The following CEP128 variants were observed in gnomAD, a reference collection of about 807,000 sequenced individuals.
The protein encoded by CEP128 is centrosomal protein 128kDa.
A neutral mutation model predicts 156.7 loss-of-function variants in CEP128; 132 were observed. The observed-to-expected ratio is 0.84, with a 90% CI of 0.73 to 0.97. CEP128 has a LOEUF of 0.97. Ranked by LOEUF, CEP128 falls within the 50% of genes least tolerant of loss-of-function variation. The pLI, the probability that CEP128 is intolerant of heterozygous loss-of-function variation, is 0.00. For synonymous variants in CEP128, 469 were observed against 448.9 expected, an observed-to-expected ratio of 1.04 and a Z score of -0.57; for missense variants, 1,252 against 1,281.9, an observed-to-expected ratio of 0.98 and a Z score of 0.36.
At chr14:80,630,900 A>G (rs886530472) in intron 19 of CEP128, among the ~76,000 whole-genome samples, 1 of 152,024 alleles carries the variant, frequency 6.6e-6, no homozygotes, top group Non-Finnish European at 1.5e-5. Context: ...CGCTGTCAAA[A>G]TAATTGTCCA....
rs568457493 is a variant in CEP128 at position 80,546,721 on chromosome 14, T to TG, written c.2880+12557dup. 3.1e-3 allele frequency among the ~76,000 whole-genome samples: 466 copies of TG among 152,236 alleles called. 1 individual carries two copies. Among genetic ancestry groups the TG allele is most frequent in the Non-Finnish European group, 4.1e-3 (282 of 68,012 alleles). ...CTGTGATAGAAAGCATAGGTAGCAG[T>TG]GAGATGCTAGGAGAGAAAAACATCA... is the stretch of plus-strand genomic sequence containing the variant. On this transcript the variant is annotated intron_variant, in intron 21 of 24. Coordinates refer to ENST00000555265, the MANE Select transcript of CEP128 (RefSeq NM_152446.5).
chr14:80,535,327 G>A (rs1889434501), intron 21 of CEP128, among the ~76,000 whole-genome samples: 1 of 152,188 alleles, frequency 6.6e-6, no homozygotes, highest in South Asian at 2.1e-4. Flanking sequence ...AAATGGCAAG[G>A]TTCTTATTAG....
At chr14:80,888,534 T>C (rs1007269386) in intron 8 of CEP128, among the ~76,000 whole-genome samples, 4 of 152,110 alleles carry the variant, frequency 2.6e-5, no homozygotes, top group African/African-American at 4.8e-5. Context: ...AAAAACCACA[T>C]GATTATCTCA....
At chr14:80,515,535 G>A (rs1243434778) in intron 23 of CEP128, among the ~76,000 whole-genome samples, 1 of 152,126 alleles carries the variant, frequency 6.6e-6, no homozygotes, top group Non-Finnish European at 1.5e-5. Flanking sequence ...TCAAACAACT[G>A]TCAACCAGAT....
intron 19 of CEP128, among the ~76,000 whole-genome samples, chr14:80,643,873 CA>C (rs1340281616): frequency 6.6e-6 from 1 of 152,120 alleles, no homozygotes; most frequent in Non-Finnish European, 1.5e-5. Context: ...AGTGAACTCC[CA>C]AATTTCATGT....
intron 19 of CEP128, among the ~76,000 whole-genome samples, chr14:80,647,059 A>ATGTGTGCATG (rs1566831586): frequency 1.3e-3 from 22 of 17,312 alleles, no homozygotes; most frequent in East Asian, 2.7e-3. Flanking sequence ...ATATATATAT[A>ATGTGTGCATG]TATATATATA....
chr14:80,527,012 ACTGGTAGATGAAAG>A, intron 22 of CEP128, 30 bp from the exon 23 acceptor site: 2 of 1,047,422 alleles, frequency 1.9e-6, no homozygotes, highest in Non-Finnish European at 2.9e-6. Context: ...AAGGGTCTGA[ACTGGTAGATGAAAG>A]AAAATCAGTG....
intron 20 of CEP128, among the ~76,000 whole-genome samples, chr14:80,573,079 C>T (rs985184915): frequency 2.7e-5 from 4 of 145,768 alleles, no homozygotes; most frequent in African/African-American, 7.8e-5. Context: ...TGGGCTACCA[C>T]GCCTGACTAA....
At chr14:80,844,876 A>C (rs996585626) in intron 9 of CEP128, among the ~76,000 whole-genome samples, 1 of 96,570 alleles carries the variant, frequency 1.0e-5, no homozygotes, top group Non-Finnish European at 2.3e-5. Context: ...ATTTTCTCCA[A>C]TGAACAAACT....
At chr14:80,895,871 TTA>T in intron 7 of CEP128, 81 bp from the exon 8 acceptor site, 1 of 961,896 alleles carries the variant, frequency 1.0e-6, no homozygotes, top group Non-Finnish European at 1.5e-6. Flanking sequence ...AACATGATAA[TTA>T]TGTTATTACA....
chr14:80,526,918 G>A lies in CEP128; in HGVS notation c.3023C>T (p.Ser1008Phe), dbSNP rs1888996564. Reference sequence around the variant, plus strand: ...GGTGTCATCTTGGTGATGCTGAAGAGAATTTCTGCGAACCCTGTATTTGGA... The same window carrying A: ...GGTGTCATCTTGGTGATGCTGAAGAAAATTTCTGCGAACCCTGTATTTGGA... ...RYSKYRVRRN[S>F]LQHHQDDTKY... Residue 1008 changes from serine (S) to phenylalanine (F), a missense_variant, in exon 23 of 25, where the codon TCT becomes TTT. Ser to Phe is a radical substitution (Grantham distance 155). Transcript: ENST00000555265. 6.2e-7 allele frequency: 1 copy of A among 1,610,158 alleles called. No individual in the cohort carries two copies. Among genetic ancestry groups the A allele is most frequent in the Non-Finnish European group, 8.5e-7 (1 of 1,178,318 alleles).
intron 8 of CEP128, among the ~76,000 whole-genome samples, chr14:80,891,745 C>T (rs1889111992): frequency 6.6e-6 from 1 of 151,712 alleles, no homozygotes; most frequent in Non-Finnish European, 1.5e-5. Flanking sequence ...ATAGATACTC[C>T]CATTTACCCT....
Position 80,559,298 on chromosome 14 carries a change from C to A in CEP128, c.2861G>T (p.Arg954Leu), listed in dbSNP as rs780246010. 4 of 1,601,096 alleles carry A rather than the reference C, an allele frequency of 2.5e-6. No individual in the cohort carries two copies. The highest frequency in any genetic ancestry group is 8.5e-7 in the Non-Finnish European group (1 of 1,174,716). Residue 954 changes from arginine (R) to leucine (L), a missense_variant, in exon 21 of 25, where the codon CGT (arginine) becomes CTT (leucine). Arg to Leu is a moderately radical substitution (Grantham distance 102). Coordinates refer to ENST00000555265, the MANE Select transcript of CEP128 (RefSeq NM_152446.5). ...ACTTACCGTTTCTAATGCAATTACA[C>A]GGTCCTGCAAAGAAAGCATAATATA... is the stretch of plus-strand genomic sequence containing the variant. ...KDEEMGSLQD[R>L]VIALETSTQV...
intron 21 of CEP128, among the ~76,000 whole-genome samples, chr14:80,555,548 T>A (rs941381655): frequency 6.6e-6 from 1 of 152,150 alleles, no homozygotes; most frequent in African/African-American, 2.4e-5. Context: ...CCCTCATTAA[T>A]TAATGAGTTA....
intron 19 of CEP128, among the ~76,000 whole-genome samples, chr14:80,639,998 T>G (rs1046058337): frequency 6.6e-6 from 1 of 152,180 alleles, no homozygotes; most frequent in Non-Finnish European, 1.5e-5. Flanking sequence ...ATGAAATTTA[T>G]AGTAACCAGA....
chr14:80,840,996 A>T (rs1886325629), intron 9 of CEP128, among the ~76,000 whole-genome samples: 1 of 152,110 alleles, frequency 6.6e-6, no homozygotes, highest in Non-Finnish European at 1.5e-5. Flanking sequence ...CATCTTTGGG[A>T]ATTTTACTAC....
rs1887503344 is a variant in CEP128 at position 80,496,552 on chromosome 14, A to G, written c.*927T>C. 2 of 152,672 alleles carry G rather than the reference A, an allele frequency of 1.3e-5. No individual in the cohort carries two copies. 9.5% of individuals were successfully genotyped at this position (152,672 alleles called of 1,614,324 possible). A position where few individuals can be genotyped will look rare whatever the true frequency, so the allele number is the denominator to read the frequency against. ...ATGACCCAATAGGATTCAGTTCCTG[A>G]AAGTTTACTATTACTTAGCATTTAA... On this transcript the variant is annotated 3_prime_UTR_variant, in exon 25 of 25. Coordinates refer to ENST00000555265, the MANE Select transcript of CEP128 (RefSeq NM_152446.5).
chr14:80,894,124 C>G (rs1202064775), intron 8 of CEP128, among the ~76,000 whole-genome samples: 2 of 151,692 alleles, frequency 1.3e-5, no homozygotes, highest in African/African-American at 4.8e-5. Context: ...CAAAAAAGTA[C>G]TAATCACAAA....
At chr14:80,646,186 T>G (rs1894624308) in intron 19 of CEP128, among the ~76,000 whole-genome samples, 4 of 152,182 alleles carry the variant, frequency 2.6e-5, no homozygotes. Flanking sequence ...TGAACCCTAA[T>G]GTAAACTATG....
Sources: allele counts gnomAD v4.1 joint callset (sites outside exome capture counted in the v4.1 genomes callset), GRCh38; gene constraint gnomAD v4.1.1; transcripts MANE v1.5; gene names NCBI Gene and HGNC (gene_info 2026-07-23, HGNC 2026-07-21).